The following PDCD1LG2 variants were observed in gnomAD, a reference collection of about 807,000 sequenced individuals.
The protein encoded by PDCD1LG2 is B7 dendritic cell molecule.
In PDCD1LG2, 32 loss-of-function variants were observed where a neutral mutation model predicts 28.2. That is an observed-to-expected ratio of 1.13 (90% confidence interval 0.86 to 1.52). The LOEUF is 1.52. Among genes scored for constraint, PDCD1LG2 ranks in the 40% most tolerant of loss-of-function variants. PDCD1LG2 has a pLI of 0.00. For missense variants in PDCD1LG2, 385 were observed against 323.8 expected (o/e 1.19, Z -1.45); for synonymous variants, 116 against 120.2 (o/e 0.97, Z 0.23).
intron 5 of PDCD1LG2, among the ~76,000 whole-genome samples, chr9:5,560,257 G>T (rs1479526478): frequency 1.3e-5 from 2 of 152,270 alleles, no homozygotes; most frequent in Non-Finnish European, 2.9e-5. Flanking sequence ...AAGAAGTTCA[G>T]TGTCTCCCTC....
At chr9:5,520,373 A>T (rs113714136) in intron 1 of PDCD1LG2, among the ~76,000 whole-genome samples, 23 of 152,230 alleles carry the variant, frequency 1.5e-4, no homozygotes, top group Non-Finnish European at 3.2e-4. Flanking sequence ...GTACAGGCAC[A>T]ACTGAATGCC....
intron 1 of PDCD1LG2, among the ~76,000 whole-genome samples, 188 bp from the exon 2 acceptor site, chr9:5,522,345 T>C (rs1036673484): frequency 7.2e-5 from 11 of 152,168 alleles, no homozygotes; most frequent in Non-Finnish European, 1.5e-4. Flanking sequence ...GAGTGTCTTG[T>C]TTACTCTTAA....
Position 5,558,878 on chromosome 9 carries a change from A to C in PDCD1LG2, c.766+1126A>C, listed in dbSNP as rs372638888. ...AAGAAGAAAGATAGAAAGAAAAATA[A>C]ATGTGGGAGGGAAGGGAGCTTCATG... On this transcript the variant is annotated intron_variant, in intron 5 of 6. Coordinates refer to ENST00000397747, the MANE Select transcript of PDCD1LG2 (RefSeq NM_025239.4). Among the ~76,000 whole-genome samples the C allele has an allele frequency of 2.6e-5, 4 of 152,216 alleles. No homozygotes were observed. In the East Asian group the frequency reaches 7.7e-4, roughly 29 times the overall value.
intron 1 of PDCD1LG2, among the ~76,000 whole-genome samples, chr9:5,515,454 G>A (rs746575755): frequency 2.0e-5 from 3 of 152,212 alleles, no homozygotes; most frequent in Non-Finnish European, 1.5e-5. Context: ...AATGAGGTAT[G>A]TGGACAACTG....
chr9:5,549,527 C>T lies in PDCD1LG2; in HGVS notation c.554C>T (p.Pro185Leu), dbSNP rs774533109. The change falls in exon 4 of 7, where the codon CCC (proline) becomes CTC (leucine). Residue 185 changes from proline to leucine, a missense_variant. Coordinates refer to ENST00000397747, the MANE Select transcript of PDCD1LG2 (RefSeq NM_025239.4). Reference sequence around the variant, plus strand: ...ACCAGTGTTCTGCGCCTAAAGCCACCCCCTGGCAGAAACTTCAGCTGTGTG... The same window carrying T: ...ACCAGTGTTCTGCGCCTAAAGCCACTCCCTGGCAGAAACTTCAGCTGTGTG... ...QVTSVLRLKP[P>L]PGRNFSCVFW... is the part of the protein sequence containing the mutation. 1.4e-5 allele frequency: 23 copies of T among 1,614,058 alleles called. No homozygotes were observed. The East Asian group carries it at 4.7e-4, about 33-fold the overall frequency.
intron 6 of PDCD1LG2, among the ~76,000 whole-genome samples, chr9:5,567,397 T>C (rs1176236572): frequency 2.0e-5 from 3 of 152,212 alleles, no homozygotes; most frequent in African/African-American, 7.2e-5. Flanking sequence ...GTGGAAGTTG[T>C]TCTTGTATCT....
chr9:5,563,541 CAA>C (rs1816609006), intron 6 of PDCD1LG2, among the ~76,000 whole-genome samples: 2 of 152,134 alleles, frequency 1.3e-5, no homozygotes, highest in South Asian at 4.1e-4. Context: ...TTGCAACAAA[CAA>C]TGATTAAGAA....
chr9:5,518,907 T>A (rs1490101624), intron 1 of PDCD1LG2, among the ~76,000 whole-genome samples: 2 of 152,364 alleles, frequency 1.3e-5, no homozygotes, highest in East Asian at 3.9e-4. Flanking sequence ...TACTGATCAC[T>A]CCTTTGTAGC....
At chr9:5,563,257 T>C (rs1270019766) in intron 6 of PDCD1LG2, 46 bp downstream of exon 6, 6 of 1,509,594 alleles carry the variant, frequency 4.0e-6, no homozygotes, top group Non-Finnish European at 5.5e-6. Flanking sequence ...TTCTTTTCTC[T>C]CTCAGCTTGA....
chr9:5,529,398 T>TA (rs767174532), intron 2 of PDCD1LG2, among the ~76,000 whole-genome samples: 7 of 152,212 alleles, frequency 4.6e-5, no homozygotes, highest in Non-Finnish European at 1.0e-4. Context: ...CCCCATTTGT[T>TA]AAAAAACACC....
At chr9:5,550,351 T>G (rs143263989) in intron 4 of PDCD1LG2, among the ~76,000 whole-genome samples, 127 of 152,326 alleles carry the variant, frequency 8.3e-4, no homozygotes, top group South Asian at 7.3e-3. Context: ...TAAGGACAAC[T>G]AACACCTAGT....
At position 5,563,280 on chromosome 9, in the gene PDCD1LG2, C is replaced by T. The variant is rs576116522; in HGVS notation, c.816+69C>T. On this transcript the variant is annotated intron_variant, in intron 6 of 6. Transcript: ENST00000397747. ...TCTCTCAGCTTGAATTTTAAAGTAA[C>T]CACTGTTCTATTAATTCATGGAAGG... is the stretch of plus-strand genomic sequence containing the variant. 3.4e-5 allele frequency: 44 copies of T among 1,310,326 alleles called. No homozygotes were observed. The Admixed American group carries it at 7.5e-4, about 22-fold the overall frequency. 81.2% of individuals were successfully genotyped at this position (1,310,326 alleles called of 1,614,324 possible).
intron 1 of PDCD1LG2, 99 bp from the exon 2 acceptor site, chr9:5,522,434 C>G (rs1033147060): frequency 5.6e-6 from 5 of 886,340 alleles, no homozygotes; most frequent in Non-Finnish European, 9.0e-6. Context: ...GTCACCTTCC[C>G]CAAATGATTT....
intron 2 of PDCD1LG2, among the ~76,000 whole-genome samples, chr9:5,524,359 G>A (rs561553148): frequency 6.6e-6 from 1 of 152,196 alleles, no homozygotes; most frequent in Non-Finnish European, 1.5e-5. Flanking sequence ...GATACGTATT[G>A]AATGTTTATT....
rs571147246 is a variant in PDCD1LG2, at chr9:5,556,242, C to T, written c.632-1376C>T. Among the ~76,000 whole-genome samples, 3 of 152,162 alleles carry T rather than the reference C, an allele frequency of 2.0e-5. 1 individual carries two copies. In the South Asian group the frequency reaches 6.2e-4, roughly 32 times the overall value. ...TGCATAAAGACACTGAGGTAGGGAC[C>T]TCTCCTGTTGTGGGGACAGTGAGAG... On this transcript the variant is annotated intron_variant, in intron 4 of 6. Coordinates refer to ENST00000397747, the MANE Select transcript of PDCD1LG2 (RefSeq NM_025239.4).
At chr9:5,512,382 C>T (rs577187619) in intron 1 of PDCD1LG2, among the ~76,000 whole-genome samples, 44 of 152,170 alleles carry the variant, frequency 2.9e-4, no homozygotes, top group Admixed American at 5.2e-4. Context: ...TCTAACACAC[C>T]TGTGGGCTGA....
Position 5,563,229 on chromosome 9 carries a change from T to C in PDCD1LG2, c.816+18T>C, listed in dbSNP as rs746083403. On this transcript the variant is annotated intron_variant, in intron 6 of 6. Coordinates refer to ENST00000397747, the MANE Select transcript of PDCD1LG2 (RefSeq NM_025239.4). Reference sequence around the variant, plus strand: ...ACAGTGCTGTGAGTAAGCATGATTTTTACTTTTCTTTCTTACTTTCTTTTC... The same window carrying C: ...ACAGTGCTGTGAGTAAGCATGATTTCTACTTTTCTTTCTTACTTTCTTTTC... 1.9e-6 allele frequency: 3 copies of C among 1,597,286 alleles called. No homozygotes were observed. Among genetic ancestry groups the C allele is most frequent in the Non-Finnish European group, 2.6e-6 (3 of 1,166,748 alleles).
intron 2 of PDCD1LG2, among the ~76,000 whole-genome samples, chr9:5,532,763 A>T (rs1258919756): frequency 1.3e-5 from 2 of 152,242 alleles, no homozygotes; most frequent in African/African-American, 4.8e-5. Flanking sequence ...TTGGCCATGC[A>T]TTCCACATAT....
intron 6 of PDCD1LG2, among the ~76,000 whole-genome samples, chr9:5,568,097 A>G (rs1184032394): frequency 2.6e-5 from 4 of 152,202 alleles, no homozygotes; most frequent in Non-Finnish European, 5.9e-5. Context: ...ACCTTTCGCA[A>G]AGGAAATATT....
Sources: gnomAD v4.1 joint callset for allele counts (sites outside exome capture counted in the v4.1 genomes callset) on GRCh38, gnomAD v4.1.1 for gene constraint, MANE v1.5 for transcripts, NCBI Gene and HGNC (gene_info 2026-07-23, HGNC 2026-07-21) for gene names.